The following IFNAR1 variants were observed in gnomAD, a reference collection of about 807,000 sequenced individuals.
IFNAR1 encodes the protein interferon alpha and beta receptor subunit 1.
In IFNAR1, 47 loss-of-function variants were observed where a neutral mutation model predicts 62.1. The ratio of observed to expected loss-of-function variants is 0.76; its 90% confidence interval spans 0.60 to 0.97. IFNAR1 has a LOEUF of 0.97. Ranked by LOEUF, IFNAR1 falls within the 50% of genes least tolerant of loss-of-function variation. The pLI is 0.00. For synonymous variants in IFNAR1, 219 were observed against 226.9 expected, an observed-to-expected ratio of 0.97 and a Z score of 0.31; for missense variants, 638 against 654.5, an observed-to-expected ratio of 0.97 and a Z score of 0.27.
intron 6 of IFNAR1, among the ~76,000 whole-genome samples, chr21:33,347,647 C>T (rs1482923075): frequency 2.0e-5 from 3 of 152,058 alleles, no homozygotes; most frequent in Non-Finnish European, 4.4e-5. Context: ...TGATTTGGGA[C>T]CTTAATTACA....
At position 33,349,259 on chromosome 21, in the gene IFNAR1, T is replaced by C. The variant is rs751021670; in HGVS notation, c.957T>C (p.Ser319=). Residue 319 remains serine, a synonymous_variant, in exon 7 of 11, where the codon TCT becomes TCC. Coordinates refer to ENST00000270139, the MANE Select transcript of IFNAR1 (RefSeq NM_000629.3). ...ASDGNNTSFW[S]EEIKFDTEIQ... is the part of the protein sequence containing the mutation. ...ATGGAAATAACACATCTTTTTGGTC[T>C]GAAGAGATAAAGTTTGATACTGAAA... 1 of 1,610,438 alleles carries C rather than the reference T, an allele frequency of 6.2e-7. No homozygotes were observed. The highest frequency in any genetic ancestry group is 8.5e-7 in the Non-Finnish European group (1 of 1,177,614).
intron 6 of IFNAR1, among the ~76,000 whole-genome samples, chr21:33,346,381 TC>T (rs1213081369): frequency 2.6e-5 from 4 of 152,182 alleles, no homozygotes; most frequent in African/African-American, 9.7e-5. Context: ...ATGATCAATT[TC>T]TATCTTTTAG....
intron 1 of IFNAR1, among the ~76,000 whole-genome samples, chr21:33,329,437 A>T (rs2083156386): frequency 6.6e-6 from 1 of 152,038 alleles, no homozygotes; most frequent in Non-Finnish European, 1.5e-5. Context: ...AAAATTGAGG[A>T]TGGGGAGACC....
chr21:33,353,623 C>T lies in IFNAR1; in HGVS notation c.1295-15C>T, dbSNP rs558374042. The stretch of plus-strand genomic sequence containing the variant: ...ATGTCAAAATATATGCTAAATATCA[C>T]GTATATCTTTTTAGGAAATACCTCT... On this transcript the variant is annotated splice_polypyrimidine_tract_variant and intron_variant, in intron 9 of 10. Transcript: ENST00000270139. The T allele has an allele frequency of 2.1e-5, 30 of 1,454,050 alleles. No homozygotes were observed. Among genetic ancestry groups the T allele is most frequent in the Middle Eastern group, 1.8e-4 (1 of 5,712 alleles). The allele number at this position is 1,454,050 out of a possible 1,614,324, so 90.1% of individuals were successfully genotyped here.
In IFNAR1 at chr21:33,353,658, C is replaced by A; in HGVS notation, c.1315C>A (p.Leu439Ile). Reference protein sequence around the residue: ...TKPGNTSKIWLIVGICIALFA... With the variant: ...TKPGNTSKIWIIVGICIALFA... ...TTTAGGAAATACCTCTAAAATTTGG[C>A]TTATAGTTGGAATTTGTATTGCATT... Residue 439 changes from leucine to isoleucine, a missense_variant, in exon 10 of 11, where the codon CTT (leucine) becomes ATT (isoleucine). Coordinates refer to ENST00000270139, the MANE Select transcript of IFNAR1 (RefSeq NM_000629.3). 1 of 1,559,246 alleles carries A rather than the reference C, an allele frequency of 6.4e-7. No homozygotes were observed. Among genetic ancestry groups the A allele is most frequent in the South Asian group, 1.2e-5 (1 of 83,400 alleles).
chr21:33,326,747 C>T (rs2083130416), intron 1 of IFNAR1, among the ~76,000 whole-genome samples: 1 of 152,064 alleles, frequency 6.6e-6, no homozygotes, highest in African/African-American at 2.4e-5. Context: ...GCTTAACTAA[C>T]TTCCCTTTTG....
rs1601855191 is a variant in IFNAR1 at position 33,334,775 on chromosome 21, G to T, written c.77-749G>T. On this transcript the variant is annotated intron_variant, in intron 1 of 10. Transcript: ENST00000270139. ...TGAGGGGCAGCTGGATGTCCAGACT[G>T]AGGGCACTGGTGCCATCAGTGGCTA... 5.1e-6 allele frequency: 4 copies of T among 790,786 alleles called. No individual in the cohort carries two copies. In the East Asian group the frequency reaches 1.1e-4, roughly 21 times the overall value. 49.0% of individuals were successfully genotyped at this position (790,786 alleles called of 1,614,324 possible).
At chr21:33,351,441 G>A (rs1457524104) in intron 8 of IFNAR1, among the ~76,000 whole-genome samples, 3 of 152,154 alleles carry the variant, frequency 2.0e-5, no homozygotes, top group African/African-American at 7.2e-5. Flanking sequence ...CTCCGTGGGA[G>A]CTGCCCAGCC....
Position 33,343,272 on chromosome 21 carries a change from G to C in IFNAR1, c.381G>C (p.Gln127His), listed in dbSNP as rs111291706. 2 of 1,610,430 alleles carry C rather than the reference G, an allele frequency of 1.2e-6. No individual in the cohort carries two copies. The highest frequency in any genetic ancestry group is 1.7e-6 in the Non-Finnish European group (2 of 1,178,758). The change falls in exon 4 of 11, where the codon CAG becomes CAC. Residue 127 changes from glutamine to histidine, a missense_variant. By Grantham distance (24) the Gln-to-His change is conservative. Coordinates refer to ENST00000270139, the MANE Select transcript of IFNAR1 (RefSeq NM_000629.3). ...VDSFTPFRKA[Q>H]IGPPEVHLEA... ...ATTGTTTTGATTTTTTTGCAGCTCA[G>C]ATTGGTCCTCCAGAAGTACATTTAG...
Position 33,325,050 on chromosome 21 carries a change from T to C in IFNAR1, c.-6T>C, listed in dbSNP as rs1363875721. On this transcript the variant is annotated 5_prime_UTR_variant, in exon 1 of 11. Coordinates refer to ENST00000270139, the MANE Select transcript of IFNAR1 (RefSeq NM_000629.3). ...TGTAACTGGTGGGATCTGCGGCGGCTCCCAGATGATGGTCGTCCTCCTGGG... is the reference window on the plus strand; with the variant it reads ...TGTAACTGGTGGGATCTGCGGCGGCCCCCAGATGATGGTCGTCCTCCTGGG... The C allele has an allele frequency of 1.3e-6, 2 of 1,596,946 alleles. No homozygotes were observed. The highest frequency in any genetic ancestry group is 2.3e-5 in the South Asian group (2 of 88,746).
intron 2 of IFNAR1, among the ~76,000 whole-genome samples, chr21:33,337,676 A>G (rs2083251779): frequency 2.2e-5 from 1 of 45,466 alleles, no homozygotes; most frequent in South Asian, 8.3e-4. Context: ...TACACTATAT[A>G]TAATACATAC....
intron 1 of IFNAR1, among the ~76,000 whole-genome samples, chr21:33,333,956 A>T (rs1268799478): frequency 1.3e-5 from 2 of 152,182 alleles, no homozygotes; most frequent in Non-Finnish European, 2.9e-5. Context: ...ATAAAGACAC[A>T]TATAAACTGA....
intron 10 of IFNAR1, among the ~76,000 whole-genome samples, chr21:33,354,091 C>T (rs1283138615): frequency 6.6e-6 from 1 of 152,218 alleles, no homozygotes. Flanking sequence ...GCCTGTAATC[C>T]CAGCACTTTG....
At chr21:33,335,446 G>T in intron 1 of IFNAR1, 78 bp from the exon 2 acceptor site, 1 of 745,296 alleles carries the variant, frequency 1.3e-6, no homozygotes, top group East Asian at 2.9e-5. Flanking sequence ...CTTTAATCAG[G>T]GATGTGAGGG....
At chr21:33,335,126 G>C (rs908681168) in intron 1 of IFNAR1, 1 of 679,300 alleles carries the variant, frequency 1.5e-6, no homozygotes, top group African/African-American at 1.7e-5. Context: ...ACCATTGTAA[G>C]TCAAGAAGCA....
chr21:33,340,501 G>A (rs2083283537), intron 2 of IFNAR1, among the ~76,000 whole-genome samples: 1 of 151,626 alleles, frequency 6.6e-6, no homozygotes, highest in African/African-American at 2.4e-5. Context: ...TAGGACTGTG[G>A]GCATGTGCCA....
intron 2 of IFNAR1, among the ~76,000 whole-genome samples, chr21:33,339,116 T>C (rs2083271439): frequency 6.6e-6 from 1 of 152,192 alleles, no homozygotes; most frequent in Non-Finnish European, 1.5e-5. Context: ...ACAGTTTTAA[T>C]GGAGCATGCT....
intron 3 of IFNAR1, among the ~76,000 whole-genome samples, chr21:33,341,592 G>GA (rs975516075): frequency 4.0e-5 from 6 of 151,224 alleles, no homozygotes; most frequent in East Asian, 1.9e-4. Flanking sequence ...AAAAGATTTG[G>GA]AAAAAAAATG....
At chr21:33,326,759 G>A (rs561957632) in intron 1 of IFNAR1, among the ~76,000 whole-genome samples, 7 of 152,058 alleles carry the variant, frequency 4.6e-5, no homozygotes, top group Admixed American at 1.3e-4. Flanking sequence ...TCCCTTTTGC[G>A]TAAGAAAGTT....
Sources: gnomAD v4.1 joint callset for allele counts (sites outside exome capture counted in the v4.1 genomes callset) on GRCh38, gnomAD v4.1.1 for gene constraint, MANE v1.5 for transcripts, NCBI Gene and HGNC (gene_info 2026-07-23, HGNC 2026-07-21) for gene names.